The following SLIT2 variants were observed in gnomAD, a reference collection of about 807,000 sequenced individuals.
SLIT2 encodes slit guidance ligand 2, also known as slit homolog 2 protein.
A neutral mutation model predicts 185.7 loss-of-function variants in SLIT2; 41 were observed. The observed-to-expected ratio is 0.22, with a 90% confidence interval of 0.17 to 0.29. The LOEUF (loss-of-function observed/expected upper bound fraction) is 0.29. SLIT2 is among the 10% of genes least tolerant of loss of function. The pLI is 1.00. For missense variants in SLIT2, 1,571 were observed against 1,909.0 expected (o/e 0.82, Z 3.30); for synonymous variants, 693 against 680.2 (o/e 1.02, Z -0.29).
chr4:20,356,016 A>G (rs943841410), intron 4 of SLIT2, among the ~76,000 whole-genome samples: 4 of 152,194 alleles, frequency 2.6e-5, no homozygotes, highest in African/African-American at 9.6e-5. Flanking sequence ...ATAGAGCCAT[A>G]TATAATATTG....
intron 4 of SLIT2, among the ~76,000 whole-genome samples, chr4:20,333,726 A>G (rs1432520939): frequency 6.6e-6 from 1 of 152,200 alleles, no homozygotes; most frequent in Non-Finnish European, 1.5e-5. Context: ...GCTTTGAGCC[A>G]TAGACAGTTC....
At chr4:20,466,447 G>A (rs1714361232) in intron 4 of SLIT2, among the ~76,000 whole-genome samples, 1 of 152,164 alleles carries the variant, frequency 6.6e-6, no homozygotes, top group Admixed American at 6.5e-5. Flanking sequence ...GAAATAATTT[G>A]TTGTGCTACA....
chr4:20,409,333 T>G (rs1381830922), intron 4 of SLIT2, among the ~76,000 whole-genome samples: 2 of 152,198 alleles, frequency 1.3e-5, no homozygotes, highest in Non-Finnish European at 2.9e-5. Context: ...TTTAGTTTTC[T>G]GTTCCTGTGT....
At chr4:20,589,579 A>G in intron 29 of SLIT2, 65 bp from the exon 30 acceptor site, 1 of 1,207,420 alleles carries the variant, frequency 8.3e-7, no homozygotes, top group Non-Finnish European at 1.2e-6. Context: ...TGACAATGAC[A>G]CAGTCTGCTG....
chr4:20,472,188 T>G (rs1224044887), intron 5 of SLIT2, among the ~76,000 whole-genome samples: 2 of 138,884 alleles, frequency 1.4e-5, no homozygotes, highest in Non-Finnish European at 3.1e-5. Flanking sequence ...AACCAATATT[T>G]AGGAAAAATT....
At chr4:20,324,289 T>C (rs1259086196) in intron 4 of SLIT2, among the ~76,000 whole-genome samples, 2 of 152,054 alleles carry the variant, frequency 1.3e-5, no homozygotes, top group Non-Finnish European at 2.9e-5. Context: ...TGATGTTGTA[T>C]TGGTGAGGTG....
At chr4:20,459,053 T>A (rs1577695713) in intron 4 of SLIT2, among the ~76,000 whole-genome samples, 1 of 152,162 alleles carries the variant, frequency 6.6e-6, no homozygotes, top group Middle Eastern at 3.4e-3. Context: ...TATTAGAGAT[T>A]ATATGAAAGA....
At chr4:20,376,747 A>G (rs1459507653) in intron 4 of SLIT2, among the ~76,000 whole-genome samples, 5 of 152,152 alleles carry the variant, frequency 3.3e-5, no homozygotes. Flanking sequence ...GCTGGAAACC[A>G]TCATTCTCAG....
intron 4 of SLIT2, chr4:20,394,661 A>G (rs1725732275): frequency 1.3e-5 from 2 of 152,104 alleles, no homozygotes; most frequent in African/African-American, 2.4e-5. Flanking sequence ...TTGGAAGCCA[A>G]CAAAGCCATT....
intron 4 of SLIT2, among the ~76,000 whole-genome samples, chr4:20,450,336 T>A (rs1223248888): frequency 1.3e-5 from 2 of 152,222 alleles, no homozygotes; most frequent in Non-Finnish European, 2.9e-5. Flanking sequence ...TACATTTTTT[T>A]ATTGGGACAT....
At chr4:20,341,673 A>G (rs56041945) in intron 4 of SLIT2, among the ~76,000 whole-genome samples, 41,312 of 152,012 alleles carry the variant, frequency 0.27, 5,951 homozygotes, top group East Asian at 0.46. Flanking sequence ...CCCTCCTAAA[A>G]CTGTGAGGTT....
rs193103113 is a variant in SLIT2, at chr4:20,268,937, A to T, written c.395+56A>T. The T allele has an allele frequency of 3.8e-6, 4 of 1,049,056 alleles. No individual in the cohort carries two copies. In the East Asian group the frequency reaches 7.1e-5, roughly 19 times the overall value. The allele number at this position is 1,049,056 out of a possible 1,614,324, so 65.0% of individuals were successfully genotyped here. A position where few individuals can be genotyped will look rare whatever the true frequency, so the allele number is the denominator to read the frequency against. The stretch of plus-strand genomic sequence containing the variant: ...TGGGTAGTACCTTGTGTTTTATTAA[A>T]TGTATTTTGGATCTGTTTGTGTGTG... On this transcript the variant is annotated intron_variant, in intron 4 of 36. Coordinates refer to ENST00000504154, the MANE Select transcript of SLIT2 (RefSeq NM_004787.4).
In SLIT2 at chr4:20,448,085, A is replaced by T. The variant is rs115725667; in HGVS notation, c.396-19667A>T. 6.9e-3 allele frequency among the ~76,000 whole-genome samples: 1,053 copies of T among 152,308 alleles called. 20 individuals carry two copies. The highest frequency in any genetic ancestry group is 0.024 in the African/African-American group (996 of 41,560). On this transcript the variant is annotated intron_variant, in intron 4 of 36. Transcript: ENST00000504154. ...TTGGAGCTCAAAAAGTCCATGTGTC[A>T]GTCTATTTCTAACTACTTAACTGTC... is the stretch of plus-strand genomic sequence containing the variant.
intron 17 of SLIT2, 111 bp from the exon 18 acceptor site, chr4:20,533,461 G>A: frequency 2.8e-6 from 2 of 726,248 alleles, no homozygotes; most frequent in Non-Finnish European, 4.7e-6. Context: ...GCAGTGCTGG[G>A]CAGTGAAAAG....
chr4:20,573,090 G>C, intron 29 of SLIT2: 1 of 670,854 alleles, frequency 1.5e-6, no homozygotes, highest in Non-Finnish European at 2.7e-6. Context: ...TGGCCCGGCT[G>C]TAGGTAAGAA....
Position 20,431,346 on chromosome 4 carries a change from C to A in SLIT2, c.396-36406C>A, listed in dbSNP as rs552634235. Among the ~76,000 whole-genome samples the A allele has an allele frequency of 5.3e-5, 8 of 152,200 alleles. No homozygotes were observed. In the South Asian group the frequency reaches 1.7e-3, roughly 32 times the overall value. On this transcript the variant is annotated intron_variant, in intron 4 of 36. Coordinates refer to ENST00000504154, the MANE Select transcript of SLIT2 (RefSeq NM_004787.4). ...AGGAAAATTAGATGCTAGGAGGTAA[C>A]AGTGTGCCTCTATATTTAAAGTAAA...
intron 8 of SLIT2, among the ~76,000 whole-genome samples, chr4:20,491,281 G>A (rs978634319): frequency 2.0e-5 from 3 of 152,122 alleles, no homozygotes; most frequent in Non-Finnish European, 4.4e-5. Flanking sequence ...ATTGGCATAT[G>A]ATTATTTAAT....
chr4:20,600,413 ATTTTTTTT>A (rs1281627568), intron 33 of SLIT2, among the ~76,000 whole-genome samples: 215 of 89,506 alleles, frequency 2.4e-3, no homozygotes, highest in African/African-American at 0.011. Flanking sequence ...ATTATGTTGC[ATTTTTTTT>A]TTTTTTTTTT....
chr4:20,469,089 A>G (rs1714675641), intron 5 of SLIT2, among the ~76,000 whole-genome samples: 1 of 152,118 alleles, frequency 6.6e-6, no homozygotes, highest in East Asian at 1.9e-4. Context: ...ATTTAATATG[A>G]TTTTATTTGC....
Sources: gnomAD v4.1 joint callset for allele counts (sites outside exome capture counted in the v4.1 genomes callset) on GRCh38, gnomAD v4.1.1 for gene constraint, MANE v1.5 for transcripts, NCBI Gene and HGNC (gene_info 2026-07-23, HGNC 2026-07-21) for gene names.